SLC18A1: variants seen among roughly 807,000 people sequenced by gnomAD.
The protein encoded by SLC18A1 is chromaffin granule amine transporter.
Under a neutral mutation model 53.7 loss-of-function variants are expected in SLC18A1, and 69 were observed. The ratio of observed to expected loss-of-function variants is 1.28; its 90% CI spans 1.06 to 1.57. The LOEUF (loss-of-function observed/expected upper bound fraction) is 1.57, where lower values mean the gene tolerates loss of function less well. SLC18A1 is among the 40% of genes most tolerant of loss of function. The pLI is 0.00. For missense variants in SLC18A1, 932 were observed against 668.1 expected, an observed-to-expected ratio of 1.40 and a Z score of -4.35; for synonymous variants, 320 against 248.1, an observed-to-expected ratio of 1.29 and a Z score of -2.72.
chr8:20,169,070 C>G (rs1487309401), intron 8 of SLC18A1, among the ~76,000 whole-genome samples: 2 of 152,058 alleles, frequency 1.3e-5, no homozygotes. Flanking sequence ...GAGACCCAGA[C>G]AACACCTTGA....
rs117013139 is a variant in SLC18A1, at chr8:20,151,442, A to T, written c.1016-698T>A. Among the ~76,000 whole-genome samples the T allele has an allele frequency of 1.1e-4, 16 of 152,192 alleles. No homozygotes were observed. The East Asian group carries it at 3.1e-3, about 29-fold the overall frequency. On this transcript the variant is annotated intron_variant, in intron 10 of 15. Transcript: ENST00000276373. Reference sequence around the variant, plus strand: ...GTTGGGTGCCACATACCCATACATAATTCCTGGGAAGTGAATTCCTGCCTT... The same window carrying T: ...GTTGGGTGCCACATACCCATACATATTTCCTGGGAAGTGAATTCCTGCCTT...
chr8:20,169,970 A>T (rs1276460877), intron 8 of SLC18A1, among the ~76,000 whole-genome samples: 1 of 152,194 alleles, frequency 6.6e-6, no homozygotes, highest in Non-Finnish European at 1.5e-5. Context: ...ACAGTTAATA[A>T]TAAACAGTGG....
chr8:20,159,158 C>T (rs1220946021), intron 10 of SLC18A1, among the ~76,000 whole-genome samples: 2 of 152,128 alleles, frequency 1.3e-5, no homozygotes, highest in African/African-American at 2.4e-5. Context: ...AGCCCATGCT[C>T]CAATGTTGAT....
At chr8:20,158,746 A>C (rs2071743178) in intron 10 of SLC18A1, among the ~76,000 whole-genome samples, 1 of 152,092 alleles carries the variant, frequency 6.6e-6, no homozygotes, top group Admixed American at 6.5e-5. Context: ...GTCCCTCTAT[A>C]CCAAGCTGTA....
chr8:20,164,321 G>A (rs995991008), intron 10 of SLC18A1, among the ~76,000 whole-genome samples: 3 of 152,066 alleles, frequency 2.0e-5, no homozygotes, highest in Admixed American at 6.6e-5. Flanking sequence ...TTTCCTAAGT[G>A]AGTGCTACAT....
intron 12 of SLC18A1, among the ~76,000 whole-genome samples, chr8:20,149,101 C>G (rs887981360): frequency 3.9e-5 from 6 of 152,120 alleles, no homozygotes; most frequent in Non-Finnish European, 8.8e-5. Flanking sequence ...TCCCTCAGGC[C>G]TAGGAGGTTT....
intron 5 of SLC18A1, 106 bp from the exon 6 acceptor site, chr8:20,173,234 A>C: frequency 1.2e-6 from 1 of 811,684 alleles, no homozygotes; most frequent in Non-Finnish European, 1.9e-6. Flanking sequence ...TCTTAGCTAG[A>C]GTTTCAGTTT....
chr8:20,157,667 C>T (rs1018815275), intron 10 of SLC18A1, among the ~76,000 whole-genome samples: 8 of 152,198 alleles, frequency 5.3e-5, no homozygotes, highest in Non-Finnish European at 8.8e-5. Context: ...ATAAGTTTAT[C>T]ACTCAGTCAG....
chr8:20,179,488 A>G lies in SLC18A1; in HGVS notation c.125-4T>C, dbSNP rs562103649. On this transcript the variant is annotated splice_region_variant and splice_polypyrimidine_tract_variant and intron_variant, in intron 2 of 15. Transcript: ENST00000276373. ...AGGAAGGTGGGCACAATTGGCACTG[A>G]AAGTCAAAGAGGACAGGTGATGGGG... 6.2e-7 allele frequency: 1 copy of G among 1,605,242 alleles called. No individual in the cohort carries two copies. Among genetic ancestry groups the G allele is most frequent in the South Asian group, 1.1e-5 (1 of 89,936 alleles).
intron 1 of SLC18A1, among the ~76,000 whole-genome samples, chr8:20,181,356 A>G (rs1373321742): frequency 6.6e-6 from 1 of 152,176 alleles, no homozygotes; most frequent in African/African-American, 2.4e-5. Context: ...AACATCCGAC[A>G]TTTATTTGCC....
At chr8:20,170,275 C>T (rs73669735) in intron 8 of SLC18A1, among the ~76,000 whole-genome samples, 7,231 of 152,228 alleles carry the variant, frequency 0.048, 492 homozygotes, top group East Asian at 0.28. Context: ...CTTTCAGATG[C>T]TTCTCTGTTC....
At chr8:20,162,164 G>A (rs910993730) in intron 10 of SLC18A1, among the ~76,000 whole-genome samples, 2 of 152,182 alleles carry the variant, frequency 1.3e-5, no homozygotes, top group Non-Finnish European at 1.5e-5. Flanking sequence ...TCCCAAGGTG[G>A]TCCTGGGCAG....
In SLC18A1 at chr8:20,172,677, T is replaced by C. The variant is rs553065519; in HGVS notation, c.724+359A>G. ...TATAATGGGGAAAATCATTCCTCCT[T>C]TCATTCCTGGTGGTGAGGAATAAAA... On this transcript the variant is annotated intron_variant, in intron 6 of 15. Coordinates refer to ENST00000276373, the MANE Select transcript of SLC18A1 (RefSeq NM_003053.4). Among the ~76,000 whole-genome samples, 15 of 152,298 alleles carry C rather than the reference T, an allele frequency of 9.8e-5. No homozygotes were observed. The South Asian group carries it at 1.9e-3, about 19-fold the overall frequency.
intron 8 of SLC18A1, among the ~76,000 whole-genome samples, chr8:20,170,629 C>G (rs7011982): frequency 0.77 from 117,625 of 152,108 alleles, 46,236 homozygotes; most frequent in African/African-American, 0.91. Context: ...GATATTCACA[C>G]AGGATGTCTT....
chr8:20,147,926 G>A (rs2071443758), intron 13 of SLC18A1, 81 bp downstream of exon 13: 1 of 1,518,646 alleles, frequency 6.6e-7, no homozygotes, highest in Non-Finnish European at 9.1e-7. Context: ...TACCTCCTCT[G>A]ATGAGAAAAG....
chr8:20,162,961 C>T (rs2071865917), intron 10 of SLC18A1, among the ~76,000 whole-genome samples: 2 of 152,170 alleles, frequency 1.3e-5, no homozygotes, highest in Non-Finnish European at 2.9e-5. Context: ...ATAGCAGCAG[C>T]CCGGTTTCTC....
intron 10 of SLC18A1, among the ~76,000 whole-genome samples, chr8:20,151,147 GT>G (rs11345261): frequency 0.22 from 30,329 of 138,662 alleles, 3,542 homozygotes; most frequent in African/African-American, 0.23. Flanking sequence ...GTTTTTTTTT[GT>G]TTTTTTTTTG....
intron 4 of SLC18A1, among the ~76,000 whole-genome samples, chr8:20,177,770 C>T (rs548994828): frequency 2.6e-5 from 4 of 152,326 alleles, no homozygotes; most frequent in South Asian, 2.1e-4. Context: ...AACCTGCTAA[C>T]GCTAACCCTT....
At chr8:20,148,368 T>C (rs1339174570) in intron 12 of SLC18A1, 3 of 970,656 alleles carry the variant, frequency 3.1e-6, no homozygotes, top group African/African-American at 1.7e-5. Flanking sequence ...ACGAGGGTCT[T>C]CCTCTGTTCC....
Sources: allele counts gnomAD v4.1 joint callset (sites outside exome capture counted in the v4.1 genomes callset), GRCh38; gene constraint gnomAD v4.1.1; transcripts MANE v1.5; gene names NCBI Gene and HGNC (gene_info 2026-07-23, HGNC 2026-07-21).